The following NPNT variants were observed in gnomAD, a reference collection of about 807,000 sequenced individuals.
NPNT encodes nephronectin, also known as preosteoblast EGF-like repeat protein with MAM domain.
Under a neutral mutation model 68.6 loss-of-function variants are expected in NPNT, and 45 were observed. That is an observed-to-expected ratio of 0.66 (90% CI 0.52 to 0.84). NPNT has a LOEUF of 0.84. Ranked by LOEUF, NPNT falls within the 40% of genes least tolerant of loss-of-function variation. The pLI, the probability that NPNT is intolerant of heterozygous loss-of-function variation, is 0.00. For missense variants in NPNT, 672 were observed against 714.8 expected (o/e 0.94, Z 0.68); for synonymous variants, 233 against 253.3 (o/e 0.92, Z 0.76).
Position 105,967,881 on chromosome 4 carries a change from C to A in NPNT, c.1602+437C>A, listed in dbSNP as rs539948682. ...TTCTTTTTTCTTTTTTGAAATGTTT[C>A]TTTCAAGTTCAAATTTTTTTCTTTG... On this transcript the variant is annotated intron_variant, in intron 11 of 11. Transcript: ENST00000379987. 3.3e-5 allele frequency among the ~76,000 whole-genome samples: 5 copies of A among 151,980 alleles called. No individual in the cohort carries two copies. In the South Asian group the frequency reaches 1.0e-3, roughly 32 times the overall value.
chr4:105,911,845 C>G (rs1370793244), intron 2 of NPNT: 1 of 262,640 alleles, frequency 3.8e-6, no homozygotes, highest in East Asian at 1.2e-4. Flanking sequence ...AGGATACTGT[C>G]TCTAGGAATC....
At chr4:105,940,310 C>T in intron 6 of NPNT, 101 bp downstream of exon 6, 2 of 1,268,304 alleles carry the variant, frequency 1.6e-6, no homozygotes, top group Admixed American at 1.7e-5. Flanking sequence ...GGGGAGAGTA[C>T]TGGCGTTAAG....
At position 105,896,010 on chromosome 4, in the gene NPNT, T is replaced by G; in HGVS notation, c.71+287T>G. The G allele has an allele frequency of 1.8e-5, 8 of 451,650 alleles. No individual in the cohort carries two copies. In the South Asian group the frequency reaches 2.2e-4, roughly 13 times the overall value. The allele number at this position is 451,650 out of a possible 1,614,324, so 28.0% of individuals were successfully genotyped here. A position where few individuals can be genotyped will look rare whatever the true frequency, so the allele number is the denominator to read the frequency against. ...CTGAGGGAGAGGAGCCGCTGGAGCCTGGGATCTCGGCTCTGAGGGCGCGGT... is the reference window on the plus strand; with the variant it reads ...CTGAGGGAGAGGAGCCGCTGGAGCCGGGGATCTCGGCTCTGAGGGCGCGGT... On this transcript the variant is annotated intron_variant, in intron 1 of 11. Coordinates refer to ENST00000379987, the MANE Select transcript of NPNT (RefSeq NM_001033047.3).
At chr4:105,956,864 T>A (rs1208304601) in intron 8 of NPNT, among the ~76,000 whole-genome samples, 1 of 152,090 alleles carries the variant, frequency 6.6e-6, no homozygotes, top group Non-Finnish European at 1.5e-5. Context: ...ATATTGCAAG[T>A]ATGGATTATA....
intron 8 of NPNT, among the ~76,000 whole-genome samples, chr4:105,957,103 T>C (rs1267189085): frequency 6.6e-6 from 1 of 152,220 alleles, no homozygotes; most frequent in African/African-American, 2.4e-5. Context: ...AGCTAATTAA[T>C]TGAAGTTCTG....
chr4:105,949,448 G>T (rs1730640352), intron 8 of NPNT, among the ~76,000 whole-genome samples: 1 of 152,118 alleles, frequency 6.6e-6, no homozygotes, highest in Admixed American at 6.6e-5. Flanking sequence ...TTGGATTTAG[G>T]AATGAGGGTT....
chr4:105,960,031 C>T (rs1294601069), intron 10 of NPNT, among the ~76,000 whole-genome samples: 4 of 152,154 alleles, frequency 2.6e-5, no homozygotes, highest in South Asian at 2.1e-4. Context: ...AGGATGGTCT[C>T]GATCTCCTGA....
chr4:105,903,096 G>A (rs888236512), intron 2 of NPNT, among the ~76,000 whole-genome samples: 2 of 151,932 alleles, frequency 1.3e-5, no homozygotes, highest in East Asian at 1.9e-4. Flanking sequence ...AGTTGCCCAC[G>A]CATGTACACA....
chr4:105,949,936 G>T (rs1024735388), intron 8 of NPNT, among the ~76,000 whole-genome samples: 5 of 152,082 alleles, frequency 3.3e-5, no homozygotes, highest in Admixed American at 3.3e-4. Flanking sequence ...GATTTTCATT[G>T]TCTTTTTGTT....
At chr4:105,906,963 A>G (rs914448761) in intron 2 of NPNT, among the ~76,000 whole-genome samples, 4 of 152,198 alleles carry the variant, frequency 2.6e-5, no homozygotes, top group African/African-American at 4.8e-5. Flanking sequence ...ATGCTGATAC[A>G]TGGATATGGG....
At chr4:105,907,612 G>A (rs1163531232) in intron 2 of NPNT, among the ~76,000 whole-genome samples, 1 of 152,084 alleles carries the variant, frequency 6.6e-6, no homozygotes, top group East Asian at 1.9e-4. Context: ...AAAATTCAAA[G>A]TGATGTCAAT....
chr4:105,897,829 G>A, intron 1 of NPNT, 72 bp from the exon 2 acceptor site: 1 of 1,230,474 alleles, frequency 8.1e-7, no homozygotes, highest in Non-Finnish European at 1.2e-6. Context: ...TTTTTCTGAA[G>A]TAATAATACA....
At position 105,969,174 on chromosome 4, in the gene NPNT, C is replaced by A. The variant is rs1277371144; in HGVS notation, c.*184C>A. The A allele has an allele frequency of 1.0e-5, 5 of 501,626 alleles. No homozygotes were observed. The highest frequency in any genetic ancestry group is 1.8e-5 in the Non-Finnish European group (5 of 279,834). 31.1% of individuals were successfully genotyped at this position (501,626 alleles called of 1,614,324 possible). ...TGTGCAATCCCAATGAACAGTGATA[C>A]CCTCCTTGAAATACAGGGGCATCGC... is the stretch of plus-strand genomic sequence containing the variant. On this transcript the variant is annotated 3_prime_UTR_variant, in exon 12 of 12. Coordinates refer to ENST00000379987, the MANE Select transcript of NPNT (RefSeq NM_001033047.3).
chr4:105,919,628 G>T (rs1329259474), intron 2 of NPNT, among the ~76,000 whole-genome samples: 2 of 152,000 alleles, frequency 1.3e-5, no homozygotes, highest in Non-Finnish European at 2.9e-5. Flanking sequence ...TTTTTGAAGA[G>T]TCCATATCAA....
At chr4:105,947,701 A>G (rs1185304582) in intron 8 of NPNT, among the ~76,000 whole-genome samples, 1 of 152,152 alleles carries the variant, frequency 6.6e-6, no homozygotes, top group Non-Finnish European at 1.5e-5. Context: ...TATTTTATTA[A>G]TCTTTTCTTA....
chr4:105,905,433 G>T (rs1383812679), intron 2 of NPNT, among the ~76,000 whole-genome samples: 1 of 152,044 alleles, frequency 6.6e-6, no homozygotes, highest in Non-Finnish European at 1.5e-5. Context: ...GGCTACCACT[G>T]TTTCCTATTG....
rs189164790 is a variant in NPNT at position 105,909,187 on chromosome 4, T to C, written c.172+11186T>C. 2.5e-3 allele frequency among the ~76,000 whole-genome samples: 377 copies of C among 152,356 alleles called. 2 individuals carry two copies. The highest frequency in any genetic ancestry group is 8.7e-3 in the African/African-American group (361 of 41,584). ...GTATTTCAGTGTTTAGAGTTGATTT[T>C]ATATTGCATATACTAACTGTGGTAA... is the stretch of plus-strand genomic sequence containing the variant. On this transcript the variant is annotated intron_variant, in intron 2 of 11. Transcript: ENST00000379987.
At chr4:105,911,194 G>A (rs1165905540) in intron 2 of NPNT, among the ~76,000 whole-genome samples, 1 of 151,652 alleles carries the variant, frequency 6.6e-6, no homozygotes, top group African/African-American at 2.4e-5. Context: ...CAAAATAACA[G>A]TAGAAACCTG....
At chr4:105,936,567 C>T (rs995812278) in intron 3 of NPNT, among the ~76,000 whole-genome samples, 12 of 152,224 alleles carry the variant, frequency 7.9e-5, no homozygotes, top group African/African-American at 2.9e-4. Context: ...AAAATATTCT[C>T]ATGTAATATG....
Sources: gnomAD v4.1 joint callset for allele counts (sites outside exome capture counted in the v4.1 genomes callset) on GRCh38, gnomAD v4.1.1 for gene constraint, MANE v1.5 for transcripts, NCBI Gene and HGNC (gene_info 2026-07-23, HGNC 2026-07-21) for gene names.